The following CELF2 variants were observed in gnomAD, a reference collection of about 807,000 sequenced individuals.
CELF2 encodes the protein CUGBP Elav-like family member 2.
Under a neutral mutation model 62.6 loss-of-function variants are expected in CELF2, and 8 were observed. That is an observed-to-expected ratio of 0.13 (90% CI 0.07 to 0.23). The LOEUF (loss-of-function observed/expected upper bound fraction) is 0.23. Ranked by LOEUF, CELF2 falls within the 10% of genes least tolerant of loss-of-function variation. The pLI is 1.00. For synonymous variants in CELF2, 258 were observed against 250.0 expected, an observed-to-expected ratio of 1.03 and a Z score of -0.30; for missense variants, 333 against 671.0, an observed-to-expected ratio of 0.50 and a Z score of 5.56.
At chr10:10,695,306 CT>C in the CELF2 span, among the ~76,000 whole-genome samples, 1 of 144,206 alleles carries the variant, frequency 6.9e-6, no homozygotes, top group South Asian at 2.3e-4. Context: ...GTTGAAAATT[CT>C]TTTCTTTAAG....
chr10:11,308,645 A>G (rs908054303), intron 9 of CELF2, among the ~76,000 whole-genome samples: 10 of 152,224 alleles, frequency 6.6e-5, no homozygotes, highest in African/African-American at 2.2e-4. Context: ...TGTCAGTTCA[A>G]TTCAGGTCAC....
chr10:10,686,354 G>A, the CELF2 span, among the ~76,000 whole-genome samples: 2 of 141,820 alleles, frequency 1.4e-5, no homozygotes, highest in Admixed American at 1.5e-4. Context: ...TTGTTTTTTT[G>A]CAATCTCTTG....
the CELF2 span, among the ~76,000 whole-genome samples, chr10:10,555,737 C>A: frequency 6.6e-6 from 1 of 152,146 alleles, no homozygotes; most frequent in Non-Finnish European, 1.5e-5. Context: ...TGCACACACA[C>A]ACATGCACTC....
At chr10:10,710,391 G>A in the CELF2 span, among the ~76,000 whole-genome samples, 918 of 152,290 alleles carry the variant, frequency 6.0e-3, 9 homozygotes, top group African/African-American at 0.02. Flanking sequence ...CCAGAACTTC[G>A]TATCTTGAAG....
rs908677766 is a variant in CELF2, at chr10:11,315,406, C to T, written c.1096+1148C>T. ...GGACTGTTTTTAAAGGGTGACCAGG[C>T]AGTATACTTTTTTAAAGCAAAATAA... On this transcript the variant is annotated intron_variant, in intron 10 of 12. Coordinates refer to ENST00000633077, the MANE Select transcript of CELF2 (RefSeq NM_001326342.2). This position sits in a 1 kb window ranked among gnomAD's most constrained non-coding sequence, Gnocchi z 5.8. Among the ~76,000 whole-genome samples, 1 of 152,126 alleles carries T rather than the reference C, an allele frequency of 6.6e-6. No individual in the cohort carries two copies. Among genetic ancestry groups the T allele is most frequent in the African/African-American group, 2.4e-5 (1 of 41,410 alleles).
chr10:11,182,374 C>T (rs1398506546), intron 2 of CELF2, among the ~76,000 whole-genome samples: 3 of 152,142 alleles, frequency 2.0e-5, no homozygotes, highest in African/African-American at 7.2e-5. Flanking sequence ...CACTTAGTGC[C>T]AAGACATACG....
At chr10:10,926,728 T>G (rs1592017170) in intron 2 of CELF2, among the ~76,000 whole-genome samples, 1 of 152,122 alleles carries the variant, frequency 6.6e-6, no homozygotes, top group East Asian at 1.9e-4. Flanking sequence ...TTCTCAGCCT[T>G]TGTAATGGGA....
Position 11,011,028 on chromosome 10 carries a change from A to G in CELF2, c.53+5588A>G, listed in dbSNP as rs956338281. On this transcript the variant is annotated intron_variant, in intron 1 of 12. Coordinates refer to the CELF2 transcript ENST00000416382. The surrounding 1 kb of genome is among the most constrained non-coding windows in gnomAD (Gnocchi z 4.6). Reference sequence around the variant, plus strand: ...GAAAGTACCAATGTAGATTCTAACAACTCTCTCTTCTGTACCCTCATTTGT... The same window carrying G: ...GAAAGTACCAATGTAGATTCTAACAGCTCTCTCTTCTGTACCCTCATTTGT... 1 of 152,006 alleles carries G rather than the reference A, an allele frequency of 6.6e-6. No individual in the cohort carries two copies. Among genetic ancestry groups the G allele is most frequent in the African/African-American group, 2.4e-5 (1 of 41,374 alleles). The allele number at this position is 152,006 out of a possible 1,614,324, so 9.4% of individuals were successfully genotyped here.
At chr10:10,811,058 G>T (rs912358721) in intron 1 of CELF2, among the ~76,000 whole-genome samples, 1 of 152,170 alleles carries the variant, frequency 6.6e-6, no homozygotes, top group African/African-American at 2.4e-5. Context: ...TGCTCCTACA[G>T]ACATGTGTTC....
rs2096074610 is a variant in CELF2 at position 11,333,974 on chromosome 10, T to TTGA, written c.*4923_*4925dup. 6.6e-6 allele frequency: 1 copy of TTGA among 152,106 alleles called. No individual in the cohort carries two copies. Among genetic ancestry groups the TTGA allele is most frequent in the Non-Finnish European group, 1.5e-5 (1 of 68,014 alleles). 9.4% of individuals were successfully genotyped at this position (152,106 alleles called of 1,614,324 possible). ...TCAAGTTTGATTTCGGGTTGATTGA[T>TTGA]TGATTGATTGATAGAAAGAAAGTTG... On this transcript the variant is annotated 3_prime_UTR_variant, in exon 13 of 13. Transcript: ENST00000633077.
Position 11,285,900 on chromosome 10 carries a change from AG to A in CELF2, c.842-2517del, listed in dbSNP as rs1338508286. ...GTGTTTTTACATGGACTTGAAAATG[AG>A]TAAGACATAATTTTTGTCCTAAAGG... On this transcript the variant is annotated intron_variant, in intron 8 of 12. Transcript: ENST00000633077. This position sits in a 1 kb window ranked among gnomAD's most constrained non-coding sequence, Gnocchi z 4.3. Among the ~76,000 whole-genome samples, 1 of 150,498 alleles carries A rather than the reference AG, an allele frequency of 6.6e-6. No homozygotes were observed. Among genetic ancestry groups the A allele is most frequent in the African/African-American group, 2.5e-5 (1 of 40,776 alleles).
At chr10:10,788,295 G>A in the CELF2 span, among the ~76,000 whole-genome samples, 101 of 151,950 alleles carry the variant, frequency 6.6e-4, no homozygotes, top group East Asian at 4.2e-3. Context: ...CCCTAAAAGG[G>A]TGACTAAATA....
the CELF2 span, among the ~76,000 whole-genome samples, chr10:10,732,970 T>A: frequency 6.6e-6 from 1 of 152,200 alleles, no homozygotes; most frequent in African/African-American, 2.4e-5. Context: ...TACTAACAGC[T>A]GCTGATGTGA....
chr10:10,863,222 C>T (rs1214129456), intron 1 of CELF2, among the ~76,000 whole-genome samples: 2 of 152,154 alleles, frequency 1.3e-5, no homozygotes, highest in Non-Finnish European at 2.9e-5. Context: ...TTATTAGAGT[C>T]CCTAGGAGTA....
At chr10:10,701,103 A>G in the CELF2 span, among the ~76,000 whole-genome samples, 2 of 152,258 alleles carry the variant, frequency 1.3e-5, no homozygotes, top group African/African-American at 2.4e-5. Flanking sequence ...AACACAAGGT[A>G]GCATTTGCAT....
At chr10:10,478,835 C>T in the CELF2 span, among the ~76,000 whole-genome samples, 1 of 152,236 alleles carries the variant, frequency 6.6e-6, no homozygotes, top group South Asian at 2.1e-4. Context: ...AAGTGTAAAT[C>T]ACTGGAAGCA....
chr10:11,088,438 G>T (rs1023987520), intron 1 of CELF2, among the ~76,000 whole-genome samples: 2 of 152,306 alleles, frequency 1.3e-5, no homozygotes, highest in East Asian at 3.9e-4. Flanking sequence ...GTTGGACATT[G>T]TTCCCTAGAC....
chr10:10,562,536 C>T, the CELF2 span, among the ~76,000 whole-genome samples: 4 of 152,048 alleles, frequency 2.6e-5, no homozygotes, highest in Non-Finnish European at 5.9e-5. Flanking sequence ...AGTGGCAGAT[C>T]CAAGACTCTC....
rs2050901778 is a variant in CELF2, at chr10:10,972,854, T to G, written c.89+52855T>G. 6.6e-6 allele frequency among the ~76,000 whole-genome samples: 1 copy of G among 152,162 alleles called. No individual in the cohort carries two copies. Among genetic ancestry groups the G allele is most frequent in the African/African-American group, 2.4e-5 (1 of 41,430 alleles). On this transcript the variant is annotated intron_variant, in intron 2 of 13. Transcript: ENST00000636488. The surrounding 1 kb of genome is among the most constrained non-coding windows in gnomAD (Gnocchi z 4.4). ...TCAGAAAACATGGGGACATGGTAGA[T>G]TTTGCCTGTGTCTTCCCTCCCTACA...
Sources: allele counts gnomAD v4.1 joint callset (sites outside exome capture counted in the v4.1 genomes callset), GRCh38; gene constraint gnomAD v4.1.1; non-coding constraint Gnocchi (gnomAD v3.1); transcripts MANE v1.5; gene names NCBI Gene and HGNC (gene_info 2026-07-23, HGNC 2026-07-21).